The following SDHAF3 variants were observed in gnomAD, a reference collection of about 807,000 sequenced individuals.
SDHAF3 encodes the protein succinate dehydrogenase assembly factor 3, mitochondrial.
A neutral mutation model predicts 11.5 loss-of-function variants in SDHAF3; 18 were observed. That is an observed-to-expected ratio of 1.56 (90% confidence interval 1.08 to 2.32). SDHAF3 has a LOEUF of 2.32. Among genes scored for constraint, SDHAF3 ranks in the 30% most tolerant of loss-of-function variants. The pLI is 0.00. For missense variants in SDHAF3, 200 were observed against 154.4 expected (o/e 1.30, Z -1.57); for synonymous variants, 72 against 59.3 (o/e 1.21, Z -0.99).
intron 1 of SDHAF3, among the ~76,000 whole-genome samples, chr7:97,164,893 G>C (rs1259997212): frequency 6.6e-6 from 1 of 152,092 alleles, no homozygotes; most frequent in East Asian, 1.9e-4. Context: ...ATAGTGAACT[G>C]AAACTATAGG....
intron 1 of SDHAF3, among the ~76,000 whole-genome samples, chr7:97,179,217 A>G (rs575141184): frequency 1.3e-4 from 20 of 152,310 alleles, no homozygotes; most frequent in African/African-American, 4.8e-4. Flanking sequence ...TGCCAGTGCC[A>G]CACTTTTGTT....
intron 1 of SDHAF3, among the ~76,000 whole-genome samples, chr7:97,125,346 T>G (rs1193917774): frequency 6.6e-6 from 1 of 152,190 alleles, no homozygotes; most frequent in East Asian, 1.9e-4. Flanking sequence ...GTTTCTCACT[T>G]TCTGATGTGG....
intron 1 of SDHAF3, among the ~76,000 whole-genome samples, chr7:97,143,535 A>G (rs190550977): frequency 1.3e-5 from 2 of 152,190 alleles, no homozygotes; most frequent in Admixed American, 6.5e-5. Context: ...GCTCCCACAT[A>G]TCAGTGAGAA....
At chr7:97,176,914 T>A (rs1442147182) in intron 1 of SDHAF3, among the ~76,000 whole-genome samples, 1 of 152,166 alleles carries the variant, frequency 6.6e-6, no homozygotes, top group Non-Finnish European at 1.5e-5. Flanking sequence ...TTTTTTAAAG[T>A]AAATAAATAT....
intron 1 of SDHAF3, among the ~76,000 whole-genome samples, chr7:97,119,826 G>A (rs148551512): frequency 1.2e-4 from 18 of 152,220 alleles, no homozygotes; most frequent in African/African-American, 4.3e-4. Context: ...GAGTTTGTCT[G>A]ATGTTTTCTC....
At chr7:97,154,495 T>C (rs914669489) in intron 1 of SDHAF3, among the ~76,000 whole-genome samples, 5 of 152,216 alleles carry the variant, frequency 3.3e-5, no homozygotes, top group African/African-American at 1.2e-4. Context: ...TTTTCCAATT[T>C]TGAGAGTTTT....
At chr7:97,159,922 A>G (rs1789373574) in intron 1 of SDHAF3, among the ~76,000 whole-genome samples, 1 of 152,154 alleles carries the variant, frequency 6.6e-6, no homozygotes, top group African/African-American at 2.4e-5. Context: ...ACTCCGCCAT[A>G]TTTGCTGCCA....
At chr7:97,179,175 C>T (rs1789732685) in intron 1 of SDHAF3, among the ~76,000 whole-genome samples, 1 of 152,120 alleles carries the variant, frequency 6.6e-6, no homozygotes, top group Non-Finnish European at 1.5e-5. Flanking sequence ...TTCTGGACTC[C>T]TCATTCTATT....
intron 1 of SDHAF3, among the ~76,000 whole-genome samples, chr7:97,123,692 C>CTGGCGTGAGAT (rs1401734345): frequency 6.6e-6 from 1 of 150,688 alleles, no homozygotes; most frequent in Non-Finnish European, 1.5e-5. Context: ...GCCATTCTAA[C>CTGGCGTGAGAT]TGGCGTGAGA....
At chr7:97,150,348 G>A (rs1390276887) in intron 1 of SDHAF3, among the ~76,000 whole-genome samples, 1 of 151,860 alleles carries the variant, frequency 6.6e-6, no homozygotes, top group Non-Finnish European at 1.5e-5. Context: ...ATCCATCAGA[G>A]GAATCACTAT....
intron 1 of SDHAF3, among the ~76,000 whole-genome samples, chr7:97,142,498 AT>A (rs1312257581): frequency 1.3e-5 from 2 of 152,156 alleles, no homozygotes; most frequent in East Asian, 1.9e-4. Context: ...CTGTCAACCC[AT>A]TAGGCATATG....
At chr7:97,142,928 A>C (rs1789076142) in intron 1 of SDHAF3, 1 of 119,754 alleles carries the variant, frequency 8.4e-6, no homozygotes, top group Non-Finnish European at 1.6e-5. Context: ...ACAGAGTCTC[A>C]CTCTGTTGCC....
intron 1 of SDHAF3, among the ~76,000 whole-genome samples, chr7:97,122,135 C>T (rs1003757736): frequency 2.6e-5 from 4 of 152,106 alleles, no homozygotes; most frequent in East Asian, 3.9e-4. Flanking sequence ...GGATTACAGG[C>T]GTGAGCCACC....
chr7:97,149,596 A>T (rs1326277648), intron 1 of SDHAF3, among the ~76,000 whole-genome samples: 1 of 152,208 alleles, frequency 6.6e-6, no homozygotes, highest in African/African-American at 2.4e-5. Context: ...TTATCTACTA[A>T]GTGTGTCGTA....
At chr7:97,149,877 G>T (rs188918784) in intron 1 of SDHAF3, among the ~76,000 whole-genome samples, 64 of 152,314 alleles carry the variant, frequency 4.2e-4, no homozygotes, top group African/African-American at 1.5e-3. Flanking sequence ...GGCATTTTAT[G>T]CACAGTAGTC....
intron 1 of SDHAF3, among the ~76,000 whole-genome samples, chr7:97,173,578 ACT>A (rs10538366): frequency 0.95 from 139,911 of 147,110 alleles, 66,587 homozygotes; most frequent in East Asian, 1. Flanking sequence ...TGAGAGTCTC[ACT>A]CTCTCTCTCT....
intron 1 of SDHAF3, among the ~76,000 whole-genome samples, chr7:97,138,997 C>A (rs1788976557): frequency 6.6e-6 from 1 of 152,322 alleles, no homozygotes; most frequent in East Asian, 1.9e-4. Context: ...TGTTCCCCAG[C>A]CTGCCTGTGC....
chr7:97,153,743 A>G (rs183591727), intron 1 of SDHAF3, among the ~76,000 whole-genome samples: 2 of 152,302 alleles, frequency 1.3e-5, no homozygotes, highest in East Asian at 1.9e-4. Context: ...GCAGTGAATG[A>G]GAGTTTCTGT....
chr7:97,131,481 A>C (rs1791671340), intron 1 of SDHAF3, among the ~76,000 whole-genome samples: 1 of 152,216 alleles, frequency 6.6e-6, no homozygotes, highest in Non-Finnish European at 1.5e-5. Context: ...CTTTTTAAAT[A>C]ATCAGGCACA....
Sources: allele counts gnomAD v4.1 joint callset (sites outside exome capture counted in the v4.1 genomes callset), GRCh38; gene constraint gnomAD v4.1.1; transcripts MANE v1.5; gene names NCBI Gene and HGNC (gene_info 2026-07-23, HGNC 2026-07-21).